IMMP2L: variants seen among roughly 807,000 people sequenced by gnomAD.
IMMP2L encodes the protein inner mitochondrial membrane peptidase subunit 2.
Under a neutral mutation model 19.3 loss-of-function variants are expected in IMMP2L, and 18 were observed. That is an observed-to-expected ratio of 0.93 (90% CI 0.64 to 1.38). The LOEUF (loss-of-function observed/expected upper bound fraction) is 1.38, where lower values mean the gene tolerates loss of function less well. Ranked by LOEUF, IMMP2L falls within the 40% of genes most tolerant of loss-of-function variation. The pLI is 0.00. For missense variants in IMMP2L, 233 were observed against 218.2 expected, an observed-to-expected ratio of 1.07 and a Z score of -0.43; for synonymous variants, 76 against 73.0, an observed-to-expected ratio of 1.04 and a Z score of -0.21.
chr7:110,882,807 G>C (rs1269204761), intron 5 of IMMP2L, among the ~76,000 whole-genome samples: 1 of 150,784 alleles, frequency 6.6e-6, no homozygotes, highest in Non-Finnish European at 1.5e-5. Context: ...TTATATAGGG[G>C]AAAAAATCAA....
intron 3 of IMMP2L, among the ~76,000 whole-genome samples, chr7:111,464,858 G>A (rs531065441): frequency 2.5e-4 from 38 of 151,886 alleles, no homozygotes; most frequent in South Asian, 1.0e-3. Flanking sequence ...GTGCGACCTC[G>A]CCTCACTGCA....
chr7:110,891,336 G>T (rs1182392320), intron 4 of IMMP2L, among the ~76,000 whole-genome samples: 1 of 152,024 alleles, frequency 6.6e-6, no homozygotes, highest in Non-Finnish European at 1.5e-5. Context: ...TCTCTCTTGA[G>T]AATCCACCTT....
At chr7:110,745,547 G>A (rs1797279223) in intron 5 of IMMP2L, among the ~76,000 whole-genome samples, 1 of 152,202 alleles carries the variant, frequency 6.6e-6, no homozygotes. Context: ...ACTAACAGTG[G>A]ATCTCTCTGC....
intron 3 of IMMP2L, among the ~76,000 whole-genome samples, chr7:111,430,243 T>C (rs895688272): frequency 6.6e-6 from 1 of 151,838 alleles, no homozygotes; most frequent in African/African-American, 2.4e-5. Flanking sequence ...AGAAATACGT[T>C]TGAATTTTTT....
At chr7:110,930,450 G>A (rs1383312613) in intron 4 of IMMP2L, among the ~76,000 whole-genome samples, 1 of 152,054 alleles carries the variant, frequency 6.6e-6, no homozygotes, top group African/African-American at 2.4e-5. Flanking sequence ...GAGAGCAAAT[G>A]TTTACCAGGT....
intron 3 of IMMP2L, among the ~76,000 whole-genome samples, chr7:111,479,714 A>T (rs974155077): frequency 4.0e-5 from 6 of 151,812 alleles, no homozygotes; most frequent in Non-Finnish European, 7.4e-5. Context: ...TCATTTTTTT[A>T]AATATAAGAA....
intron 3 of IMMP2L, among the ~76,000 whole-genome samples, chr7:111,203,006 C>T (rs1373961559): frequency 1.3e-5 from 2 of 152,028 alleles, no homozygotes; most frequent in Non-Finnish European, 2.9e-5. Flanking sequence ...AGTAATCTAC[C>T]CTCTGTAAAT....
chr7:111,342,071 A>G (rs1051417853), intron 3 of IMMP2L, among the ~76,000 whole-genome samples: 3 of 152,146 alleles, frequency 2.0e-5, no homozygotes, highest in African/African-American at 7.2e-5. Context: ...ACAGGCCAAG[A>G]CAGGTATTTA....
At chr7:110,770,774 C>T (rs1293139645) in intron 5 of IMMP2L, among the ~76,000 whole-genome samples, 1 of 152,142 alleles carries the variant, frequency 6.6e-6, no homozygotes, top group Admixed American at 6.5e-5. Context: ...GGTCATTAGG[C>T]GGATATAGCG....
chr7:111,117,264 G>T (rs1324997379), intron 3 of IMMP2L, among the ~76,000 whole-genome samples: 2 of 152,042 alleles, frequency 1.3e-5, no homozygotes, highest in Admixed American at 1.3e-4. Flanking sequence ...AAAAATCTTT[G>T]ATGTTCACAG....
intron 3 of IMMP2L, among the ~76,000 whole-genome samples, chr7:111,291,173 T>G (rs190613614): frequency 5.5e-4 from 84 of 152,192 alleles, no homozygotes; most frequent in African/African-American, 1.7e-3. Context: ...AAGACACAGA[T>G]AGTATCTTGC....
chr7:111,113,531 T>C (rs1463373703), intron 3 of IMMP2L, among the ~76,000 whole-genome samples: 3 of 152,174 alleles, frequency 2.0e-5, no homozygotes, highest in Non-Finnish European at 4.4e-5. Context: ...TTTATTTTTT[T>C]CTTTTAACTA....
chr7:110,758,139 T>A lies in IMMP2L; in HGVS notation c.409-94418A>T, dbSNP rs1045230833. Among the ~76,000 whole-genome samples, 6 of 151,878 alleles carry A rather than the reference T, an allele frequency of 4.0e-5. No individual in the cohort carries two copies. The highest frequency in any genetic ancestry group is 3.9e-4 in the Admixed American group (6 of 15,222). ...GCTAGTATGTTAATGTAGCTGAAGGTCAAATAAGATGAGGATGAAGAATGG... is the reference window on the plus strand; with the variant it reads ...GCTAGTATGTTAATGTAGCTGAAGGACAAATAAGATGAGGATGAAGAATGG... On this transcript the variant is annotated intron_variant, in intron 5 of 5. Coordinates refer to ENST00000405709, the MANE Select transcript of IMMP2L (RefSeq NM_032549.4). This position sits in a 1 kb window ranked among gnomAD's most constrained non-coding sequence, Gnocchi z 4.6.
chr7:110,739,504 G>A (rs1796854683), intron 5 of IMMP2L, among the ~76,000 whole-genome samples: 1 of 152,096 alleles, frequency 6.6e-6, no homozygotes, highest in South Asian at 2.1e-4. Flanking sequence ...AGTCCCATAG[G>A]AAAATATCAC....
chr7:111,348,968 C>T (rs1213962914), intron 3 of IMMP2L, among the ~76,000 whole-genome samples: 1 of 152,102 alleles, frequency 6.6e-6, no homozygotes, highest in Non-Finnish European at 1.5e-5. Context: ...GTATTTATTT[C>T]CTTCCCAAGT....
chr7:111,445,291 A>C (rs1182869700), intron 3 of IMMP2L, among the ~76,000 whole-genome samples: 1 of 152,100 alleles, frequency 6.6e-6, no homozygotes, highest in African/African-American at 2.4e-5. Context: ...TTTTTCCACT[A>C]CAGGTGCTCT....
At chr7:111,296,755 T>C (rs984940904) in intron 3 of IMMP2L, among the ~76,000 whole-genome samples, 1 of 152,062 alleles carries the variant, frequency 6.6e-6, no homozygotes, top group Non-Finnish European at 1.5e-5. Context: ...CAGACTTTTT[T>C]TGTAATAATC....
intron 4 of IMMP2L, among the ~76,000 whole-genome samples, chr7:110,929,115 C>A (rs1293067138): frequency 1.3e-5 from 2 of 151,764 alleles, no homozygotes; most frequent in Admixed American, 1.3e-4. Flanking sequence ...AACTGAAAGT[C>A]AGAAAAAAAA....
At chr7:111,007,472 T>C (rs6978507) in intron 3 of IMMP2L, among the ~76,000 whole-genome samples, 69,512 of 151,850 alleles carry the variant, frequency 0.46, 17,586 homozygotes, top group Non-Finnish European at 0.58. Flanking sequence ...ACAAAAACTT[T>C]CTTAATTCTC....
Sources: gnomAD v4.1 joint callset for allele counts (sites outside exome capture counted in the v4.1 genomes callset) on GRCh38, gnomAD v4.1.1 for gene constraint, Gnocchi (gnomAD v3.1) non-coding constraint, MANE v1.5 for transcripts, NCBI Gene and HGNC (gene_info 2026-07-23, HGNC 2026-07-21) for gene names.